Variants in MMP15 observed in about 807,000 individuals in gnomAD.
MMP15 encodes the protein matrix metallopeptidase 15, also known as matrix metalloproteinase-15.
A neutral mutation model predicts 65.0 loss-of-function variants in MMP15; 36 were observed. The observed-to-expected ratio is 0.55, with a 90% CI of 0.42 to 0.73. MMP15 has a LOEUF of 0.73. Ranked by LOEUF, MMP15 falls within the 30% of genes least tolerant of loss-of-function variation. The pLI is 0.00. For missense variants in MMP15, 870 were observed against 987.8 expected (o/e 0.88, Z 1.60); for synonymous variants, 428 against 410.2 (o/e 1.04, Z -0.52).
chr16:58,026,284 G>A lies in MMP15; in HGVS notation c.-67G>A. 2 of 1,242,916 alleles carry A rather than the reference G, an allele frequency of 1.6e-6. No individual in the cohort carries two copies. Among genetic ancestry groups the A allele is most frequent in the African/African-American group, 3.1e-5 (2 of 64,284 alleles). 77.0% of individuals were successfully genotyped at this position (1,242,916 alleles called of 1,614,324 possible). On this transcript the variant is annotated 5_prime_UTR_variant, in exon 1 of 10. Transcript: ENST00000219271. ...GCCGGGCCAGGAGCCAGGGAGCGTC[G>A]CAAGTTTCCAAGGCGCGTGCGAGGA...
intron 1 of MMP15, among the ~76,000 whole-genome samples, chr16:58,027,508 G>A (rs41369848): frequency 2.2e-3 from 337 of 152,320 alleles, no homozygotes; most frequent in African/African-American, 7.8e-3. Flanking sequence ...CCACCCCGGA[G>A]CCGCTTCTGA....
intron 1 of MMP15, 24 bp from the exon 2 acceptor site, chr16:58,037,448 G>A (rs1323231776): frequency 1.2e-6 from 2 of 1,611,152 alleles, no homozygotes; most frequent in Non-Finnish European, 1.7e-6. Context: ...AGGACCTGCT[G>A]ACAGAGTTGC....
chr16:58,036,053 G>A (rs545971893), intron 1 of MMP15, among the ~76,000 whole-genome samples: 2 of 152,338 alleles, frequency 1.3e-5, no homozygotes, highest in Admixed American at 6.5e-5. Context: ...CAACCACCGT[G>A]TCCAGCTACT....
Position 58,026,397 on chromosome 16 carries a change from GCCT to G in MMP15, c.52_54del (p.Leu18del). On this transcript the variant is annotated inframe_deletion, in exon 1 of 10. Transcript: ENST00000219271. ...CCCGGACGGCCGGGCTGGACGGGCAGCCTCCTCGGCGACCGGGAGGAGGCGGCG... is the reference window on the plus strand; with the variant it reads ...CCCGGACGGCCGGGCTGGACGGGCAGCCTCGGCGACCGGGAGGAGGCGGCG... 7.1e-7 allele frequency: 1 copy of G among 1,414,790 alleles called. No homozygotes were observed. The highest frequency in any genetic ancestry group is 1.5e-5 in the South Asian group (1 of 66,786). 87.6% of individuals were successfully genotyped at this position (1,414,790 alleles called of 1,614,324 possible).
chr16:58,041,759 C>T lies in MMP15; in HGVS notation c.1053C>T (p.Gly351=), dbSNP rs775745041. 3 of 1,603,542 alleles carry T rather than the reference C, an allele frequency of 1.9e-6. No individual in the cohort carries two copies. Among genetic ancestry groups the T allele is most frequent in the African/African-American group, 2.7e-5 (2 of 74,662 alleles). ...AGCCAGAGCGGCCCCCAAAGCCGGG[C>T]CCCCCAGTCCAGCCCCGAGCCACAG... is the stretch of plus-strand genomic sequence containing the variant. ...GGKPERPPKP[G]PPVQPRATER... is the part of the protein sequence containing the mutation. Residue 351 remains glycine, a synonymous_variant, in exon 6 of 10, where the codon GGC becomes GGT. Coordinates refer to ENST00000219271, the MANE Select transcript of MMP15 (RefSeq NM_002428.4).
At chr16:58,027,703 G>C (rs933015399) in intron 1 of MMP15, among the ~76,000 whole-genome samples, 2 of 152,154 alleles carry the variant, frequency 1.3e-5, no homozygotes, top group Non-Finnish European at 2.9e-5. Context: ...AAGCATAGAG[G>C]AAGGGCAGGG....
At position 58,043,379 on chromosome 16, in the gene MMP15, C is replaced by T. The variant is rs1321253507; in HGVS notation, c.1454+19C>T. The T allele has an allele frequency of 6.3e-7, 1 of 1,599,042 alleles. No homozygotes were observed. The highest frequency in any genetic ancestry group is 8.5e-7 in the Non-Finnish European group (1 of 1,173,076). ...AGGACAGGTGAGCAGTGCGTCCCTC[C>T]CCTAAGGGGAGAAGGCCCCATCTAG... On this transcript the variant is annotated intron_variant, in intron 8 of 9. Transcript: ENST00000219271.
rs1597068221 is a variant in MMP15, at chr16:58,045,555, CCT to C, written c.*110_*111del. 2.4e-6 allele frequency: 2 copies of C among 826,950 alleles called. No homozygotes were observed. Among genetic ancestry groups the C allele is most frequent in the African/African-American group, 1.7e-5 (1 of 58,114 alleles). 51.2% of individuals were successfully genotyped at this position (826,950 alleles called of 1,614,324 possible). On this transcript the variant is annotated 3_prime_UTR_variant, in exon 10 of 10. Coordinates refer to ENST00000219271, the MANE Select transcript of MMP15 (RefSeq NM_002428.4). ...GGGGCCCCTCTCAGCCCTCACACAC[CCT>C]GTCTGCCCCGCCCTCATTATTTATG...
intron 7 of MMP15, among the ~76,000 whole-genome samples, 162 bp downstream of exon 7, chr16:58,042,531 GA>G (rs773480789): frequency 1.3e-5 from 2 of 152,234 alleles, no homozygotes; most frequent in Non-Finnish European, 2.9e-5. Flanking sequence ...AGCAAGGCAG[GA>G]CGGGAGGAAG....
Position 58,045,135 on chromosome 16 carries a change from C to T in MMP15, c.1699C>T (p.Pro567Ser), listed in dbSNP as rs770123041. 6.2e-7 allele frequency: 1 copy of T among 1,603,378 alleles called. No individual in the cohort carries two copies. Among genetic ancestry groups the T allele is most frequent in the African/African-American group, 1.3e-5 (1 of 74,872 alleles). ...MGCQEHVEPG[P>S]RWPDVARPPF... Reference sequence around the variant, plus strand: ...CTGCCAGGAGCACGTGGAGCCAGGCCCCCGATGGCCCGACGTGGCCCGGCC... The same window carrying T: ...CTGCCAGGAGCACGTGGAGCCAGGCTCCCGATGGCCCGACGTGGCCCGGCC... Residue 567 changes from proline to serine, a missense_variant, in exon 10 of 10, where the codon CCC becomes TCC. Pro to Ser is a moderately conservative substitution (Grantham distance 74). Coordinates refer to ENST00000219271, the MANE Select transcript of MMP15 (RefSeq NM_002428.4).
Position 58,041,642 on chromosome 16 carries a change from T to A in MMP15, c.936T>A (p.Pro312=). 1 of 1,574,526 alleles carries A rather than the reference T, an allele frequency of 6.4e-7. No homozygotes were observed. Among genetic ancestry groups the A allele is most frequent in the Non-Finnish European group, 8.6e-7 (1 of 1,161,390 alleles). Residue 312 remains proline (P), a synonymous_variant, in exon 6 of 10, where the codon CCT becomes CCA. Coordinates refer to ENST00000219271, the MANE Select transcript of MMP15 (RefSeq NM_002428.4). ...LYGTPDGQPQ[P]TQPLPTVTPR... ...GTACCCCAGACGGTCAGCCACAGCC[T>A]ACCCAGCCTCTCCCCACTGTGACGC...
chr16:58,033,544 G>C (rs1406703510), intron 1 of MMP15, among the ~76,000 whole-genome samples: 2 of 152,206 alleles, frequency 1.3e-5, no homozygotes, highest in African/African-American at 4.8e-5. Context: ...GACTCCTGGT[G>C]GCCCATATCT....
At chr16:58,032,374 C>A (rs1202925528) in intron 1 of MMP15, among the ~76,000 whole-genome samples, 1 of 152,242 alleles carries the variant, frequency 6.6e-6, no homozygotes, top group Non-Finnish European at 1.5e-5. Context: ...GGGCTGACTT[C>A]CGCTCAGCCT....
chr16:58,031,662 C>T (rs972385702), intron 1 of MMP15, among the ~76,000 whole-genome samples: 1 of 152,042 alleles, frequency 6.6e-6, no homozygotes, highest in East Asian at 1.9e-4. Context: ...CTTCCTCCTT[C>T]CTGCTTCTCC....
chr16:58,041,134 G>A (rs1250061592), intron 5 of MMP15, among the ~76,000 whole-genome samples: 2 of 152,018 alleles, frequency 1.3e-5, no homozygotes, highest in Non-Finnish European at 2.9e-5. Flanking sequence ...CCCACCCAGG[G>A]CCCACCCGAG....
chr16:58,030,562 GC>G (rs1431579100), intron 1 of MMP15, among the ~76,000 whole-genome samples: 3 of 152,156 alleles, frequency 2.0e-5, no homozygotes, highest in African/African-American at 4.8e-5. Context: ...CCCTGGAGAT[GC>G]CCCCCATCCT....
chr16:58,029,887 T>TGCAGGC (rs1451739478), intron 1 of MMP15, among the ~76,000 whole-genome samples: 1 of 152,136 alleles, frequency 6.6e-6, no homozygotes, highest in East Asian at 1.9e-4. Flanking sequence ...ATGGCTACAC[T>TGCAGGC]GCAGGCGTGG....
rs746501918 is a variant in MMP15, at chr16:58,045,402, C to A, written c.1966C>A (p.Arg656Ser). ...LVQMQRKGAP[R>S]VLLYCKRSLQ... ...GCAGATGCAGCGCAAGGGTGCGCCA[C>A]GTGTCCTGCTTTACTGCAAGCGCTC... Residue 656 changes from arginine (R) to serine (S), a missense_variant, in exon 10 of 10, where the codon CGT (arginine) becomes AGT (serine). Arg to Ser is a moderately radical substitution (Grantham distance 110). Coordinates refer to ENST00000219271, the MANE Select transcript of MMP15 (RefSeq NM_002428.4). 1.9e-6 allele frequency: 3 copies of A among 1,573,476 alleles called. No homozygotes were observed. The African/African-American group carries it at 4.0e-5, about 21-fold the overall frequency.
chr16:58,026,608 G>A (rs1963819038), intron 1 of MMP15, 96 bp downstream of exon 1: 3 of 1,234,324 alleles, frequency 2.4e-6, no homozygotes, highest in Admixed American at 8.4e-5. Context: ...AGGGAGCGGA[G>A]ACGCGCCCCC....
Sources: gnomAD v4.1 joint callset for allele counts (sites outside exome capture counted in the v4.1 genomes callset) on GRCh38, gnomAD v4.1.1 for gene constraint, MANE v1.5 for transcripts, NCBI Gene and HGNC (gene_info 2026-07-23, HGNC 2026-07-21) for gene names.